The following ZNF195 variants were observed in gnomAD, a reference collection of about 807,000 sequenced individuals.
ZNF195 encodes the protein hypoxia-regulated factor-1.
A neutral mutation model predicts 19.5 loss-of-function variants in ZNF195; 11 were observed. That is an observed-to-expected ratio of 0.57 (90% confidence interval 0.36 to 0.94). The LOEUF is 0.94. ZNF195 is among the 40% of genes least tolerant of loss of function. The pLI is 0.01. For missense variants in ZNF195, 582 were observed against 709.0 expected (o/e 0.82, Z 2.03); for synonymous variants, 214 against 248.1 (o/e 0.86, Z 1.29).
intron 1 of ZNF195, chr11:3,377,942 C>G: frequency 1.0e-6 from 1 of 979,426 alleles, no homozygotes; most frequent in Non-Finnish European, 1.2e-6. Context: ...AGACTTTTTA[C>G]AATAGCGTCA....
At chr11:3,366,496 C>A (rs1489465250) in intron 3 of ZNF195, among the ~76,000 whole-genome samples, 1 of 151,772 alleles carries the variant, frequency 6.6e-6, no homozygotes, top group Non-Finnish European at 1.5e-5. Flanking sequence ...AACTAAACAA[C>A]AAAAATTAAA....
chr11:3,360,910 G>A (rs1296592186), intron 4 of ZNF195, 122 bp from the exon 5 acceptor site: 2 of 830,404 alleles, frequency 2.4e-6, no homozygotes, highest in African/African-American at 1.8e-5. Flanking sequence ...TCCTTCAAAA[G>A]AGAAAGCAAA....
rs1257601872 is a variant in ZNF195 at position 3,358,367 on chromosome 11, T to C, written c.*751A>G. 2 of 152,172 alleles carry C rather than the reference T, an allele frequency of 1.3e-5. No individual in the cohort carries two copies. Among genetic ancestry groups the C allele is most frequent in the Non-Finnish European group, 2.9e-5 (2 of 68,032 alleles). The allele number at this position is 152,172 out of a possible 1,614,324, so 9.4% of individuals were successfully genotyped here. A position where few individuals can be genotyped will look rare whatever the true frequency, so the allele number is the denominator to read the frequency against. On this transcript the variant is annotated 3_prime_UTR_variant, in exon 6 of 6. Transcript: ENST00000399602. ...CTATCTCATAAATCACTTACAAGTA[T>C]ATAAAACAACCACAAAGAGCCTCTC...
rs750790659 is a variant in ZNF195, at chr11:3,370,984, C to T, written c.217G>A (p.Gly73Arg). The change falls in exon 3 of 6, where the codon GGA becomes AGA. Residue 73 changes from glycine (G) to arginine (R), a missense_variant. Physicochemically the swap from Gly to Arg is moderately radical, Grantham distance 125. This residue lies in a region of ZNF195 where 129 missense variants were observed against 112.1 expected (regional missense o/e 1.15). Coordinates refer to ENST00000399602, the MANE Select transcript of ZNF195 (RefSeq NM_001130520.3). Reference sequence around the variant, plus strand: ...GTTCATTCCCACCCACCTGGATGTCCGTCTGCTGCCTCCTGTCTCTTCACA... The same window carrying T: ...GTTCATTCCCACCCACCTGGATGTCTGTCTGCTGCCTCCTGTCTCTTCACA... ...WNVKRQEAAD[G>R]HPEMGFHHAT... 1.5e-5 allele frequency: 24 copies of T among 1,613,840 alleles called. No homozygotes were observed. The highest frequency in any genetic ancestry group is 6.7e-5 in the Admixed American group (4 of 60,006).
At chr11:3,371,873 G>C (rs1849230514) in intron 1 of ZNF195, among the ~76,000 whole-genome samples, 170 bp from the exon 2 acceptor site, 1 of 152,208 alleles carries the variant, frequency 6.6e-6, no homozygotes, top group African/African-American at 2.4e-5. Flanking sequence ...AGCCACATAA[G>C]CAGTGTATAT....
chr11:3,375,221 A>G (rs541759620), intron 1 of ZNF195, among the ~76,000 whole-genome samples: 3 of 152,272 alleles, frequency 2.0e-5, no homozygotes, highest in Admixed American at 6.5e-5. Context: ...TCTGCTCTCT[A>G]TGCTACTAGA....
chr11:3,375,119 G>A lies in ZNF195; in HGVS notation c.4-3416C>T, dbSNP rs189759776. 1.8e-3 allele frequency among the ~76,000 whole-genome samples: 281 copies of A among 152,242 alleles called. 1 individual carries two copies. The highest frequency in any genetic ancestry group is 1.7e-3 in the East Asian group (9 of 5,184). Reference sequence around the variant, plus strand: ...ATTTAATTCTGTAGTTAACTCTGTCGGAGGAGAGTCCAGGGTGAAGCCAGA... The same window carrying A: ...ATTTAATTCTGTAGTTAACTCTGTCAGAGGAGAGTCCAGGGTGAAGCCAGA... On this transcript the variant is annotated intron_variant, in intron 1 of 5. Coordinates refer to ENST00000399602, the MANE Select transcript of ZNF195 (RefSeq NM_001130520.3).
At chr11:3,372,735 G>T (rs1849277308) in intron 1 of ZNF195, among the ~76,000 whole-genome samples, 1 of 151,962 alleles carries the variant, frequency 6.6e-6, no homozygotes, top group Admixed American at 6.6e-5. Context: ...TCTGTAATCT[G>T]TTTTCTTTTG....
intron 3 of ZNF195, among the ~76,000 whole-genome samples, chr11:3,368,610 A>T (rs777454503): frequency 7.9e-5 from 12 of 152,280 alleles, no homozygotes; most frequent in Non-Finnish European, 1.8e-4. Flanking sequence ...GACTTGGCAT[A>T]GCCAAAGCAA....
At position 3,360,852 on chromosome 11, in the gene ZNF195, G is replaced by T. The variant is rs574472009; in HGVS notation, c.374-64C>A. 6 of 1,425,442 alleles carry T rather than the reference G, an allele frequency of 4.2e-6. No individual in the cohort carries two copies. The Admixed American group carries it at 1.1e-4, about 25-fold the overall frequency. The allele number at this position is 1,425,442 out of a possible 1,614,324, so 88.3% of individuals were successfully genotyped here. On this transcript the variant is annotated intron_variant, in intron 4 of 5. Coordinates refer to ENST00000399602, the MANE Select transcript of ZNF195 (RefSeq NM_001130520.3). ...TACCCACTGCAGCCCCCGCTCCTCC[G>T]CAGTATAGCATCATGCCTTTAAGAG...
At chr11:3,363,768 A>G (rs1400475605) in intron 3 of ZNF195, among the ~76,000 whole-genome samples, 2 of 152,226 alleles carry the variant, frequency 1.3e-5, no homozygotes, top group East Asian at 1.9e-4. Flanking sequence ...TTCAAAACAC[A>G]TTACAAGGCG....
At chr11:3,371,519 A>G in intron 2 of ZNF195, 58 bp downstream of exon 2, 2 of 1,610,284 alleles carry the variant, frequency 1.2e-6, no homozygotes, top group Non-Finnish European at 1.7e-6. Context: ...CATTCCGCAG[A>G]GGAACGAAAG....
chr11:3,363,139 T>C (rs1489137648), intron 3 of ZNF195, among the ~76,000 whole-genome samples: 1 of 152,242 alleles, frequency 6.6e-6, no homozygotes, highest in Admixed American at 6.5e-5. Flanking sequence ...TGCTATTTTT[T>C]GCTTCAATTT....
chr11:3,373,506 T>C (rs1849313699), intron 1 of ZNF195: 15 of 1,258,452 alleles, frequency 1.2e-5, no homozygotes, highest in Non-Finnish European at 1.7e-5. Context: ...GAAGTAAAGG[T>C]TTCCAAATTC....
At chr11:3,377,350 G>A (rs929089520) in intron 1 of ZNF195, among the ~76,000 whole-genome samples, 3 of 152,114 alleles carry the variant, frequency 2.0e-5, no homozygotes, top group Non-Finnish European at 4.4e-5. Flanking sequence ...AGTGCTCACC[G>A]GCCACCCCCG....
At chr11:3,373,105 CTT>C (rs568688586) in intron 1 of ZNF195, among the ~76,000 whole-genome samples, 22 of 152,312 alleles carry the variant, frequency 1.4e-4, no homozygotes, top group Non-Finnish European at 2.8e-4. Context: ...TCATTTTTCT[CTT>C]TTCCAGAATG....
At chr11:3,362,268 C>T (rs1050175114) in intron 3 of ZNF195, among the ~76,000 whole-genome samples, 10 of 151,956 alleles carry the variant, frequency 6.6e-5, no homozygotes, top group Non-Finnish European at 1.0e-4. Flanking sequence ...TAATGCGATG[C>T]TATAAAATAA....
At chr11:3,378,336 C>A (rs1849571445) in intron 1 of ZNF195, among the ~76,000 whole-genome samples, 1 of 150,370 alleles carries the variant, frequency 6.7e-6, no homozygotes, top group Admixed American at 6.7e-5. Flanking sequence ...AAATAGCAGG[C>A]AATCCGACTG....
chr11:3,375,955 GCC>G (rs1849441283), intron 1 of ZNF195, among the ~76,000 whole-genome samples: 1 of 152,276 alleles, frequency 6.6e-6, no homozygotes, highest in East Asian at 1.9e-4. Flanking sequence ...GCCCTCTATG[GCC>G]ATGAGATCCA....
Sources: allele counts gnomAD v4.1 joint callset (sites outside exome capture counted in the v4.1 genomes callset), GRCh38; gene constraint gnomAD v4.1.1; regional missense constraint gnomAD v4.1.1; transcripts MANE v1.5; gene names NCBI Gene and HGNC (gene_info 2026-07-23, HGNC 2026-07-21).